NEGR1: variants seen among roughly 807,000 people sequenced by gnomAD.
The protein encoded by NEGR1 is IgLON family member 4.
NEGR1 carries 10 observed loss-of-function variants against 40.9 expected under a neutral mutation model. The observed-to-expected ratio is 0.24, with a 90% confidence interval of 0.15 to 0.42. NEGR1 has a LOEUF of 0.42. Ranked by LOEUF, NEGR1 falls within the 10% of genes least tolerant of loss-of-function variation. NEGR1 has a pLI of 1.00. For synonymous variants in NEGR1, 185 were observed against 166.8 expected, an observed-to-expected ratio of 1.11 and a Z score of -0.84; for missense variants, 352 against 438.9, an observed-to-expected ratio of 0.80 and a Z score of 1.77.
chr1:71,769,030 GT>G (rs924443604), intron 3 of NEGR1, among the ~76,000 whole-genome samples: 1 of 151,154 alleles, frequency 6.6e-6, no homozygotes, highest in Non-Finnish European at 1.5e-5. Flanking sequence ...CTTGCCTCCT[GT>G]ACAGCCTACA....
intron 6 of NEGR1, among the ~76,000 whole-genome samples, chr1:71,572,605 G>A (rs951363255): frequency 1.6e-4 from 24 of 152,164 alleles, no homozygotes; most frequent in Non-Finnish European, 3.4e-4. Flanking sequence ...AGCCATGTAC[G>A]CGTGAGGTCT....
intron 2 of NEGR1, among the ~76,000 whole-genome samples, chr1:71,828,013 C>T (rs1215422144): frequency 6.6e-6 from 1 of 151,896 alleles, no homozygotes; most frequent in African/African-American, 2.4e-5. Context: ...TCTAAAATCT[C>T]AGAATCAACT....
In NEGR1 at chr1:72,083,613, C is replaced by T. The variant is rs531276338; in HGVS notation, c.177-148302G>A. 1.3e-4 allele frequency among the ~76,000 whole-genome samples: 20 copies of T among 152,162 alleles called. No individual in the cohort carries two copies. In the South Asian group the frequency reaches 3.9e-3, roughly 30 times the overall value. On this transcript the variant is annotated intron_variant, in intron 1 of 6. Coordinates refer to ENST00000357731, the MANE Select transcript of NEGR1 (RefSeq NM_173808.3). Reference sequence around the variant, plus strand: ...GATAGAAAAAAAAGAAAAATATTGTCCCATTTTATTTTAATAATAGTGGCA... The same window carrying T: ...GATAGAAAAAAAAGAAAAATATTGTTCCATTTTATTTTAATAATAGTGGCA...
intron 1 of NEGR1, among the ~76,000 whole-genome samples, chr1:72,211,829 C>A (rs1468145426): frequency 6.6e-6 from 1 of 151,678 alleles, no homozygotes; most frequent in African/African-American, 2.4e-5. Flanking sequence ...CTGTACCTCA[C>A]TCTATAAAAC....
At chr1:71,988,150 T>A (rs1398396229) in intron 1 of NEGR1, among the ~76,000 whole-genome samples, 2 of 152,102 alleles carry the variant, frequency 1.3e-5, no homozygotes, top group East Asian at 3.9e-4. Context: ...AGGCCATGCA[T>A]CAGTTGTCTT....
At chr1:71,962,334 T>C (rs1286409962) in intron 1 of NEGR1, among the ~76,000 whole-genome samples, 2 of 152,110 alleles carry the variant, frequency 1.3e-5, no homozygotes, top group Non-Finnish European at 2.9e-5. Context: ...TACATAATTA[T>C]TGTGAGAAAA....
intron 2 of NEGR1, among the ~76,000 whole-genome samples, chr1:71,781,116 C>G (rs1342308849): frequency 2.0e-5 from 3 of 152,156 alleles, no homozygotes; most frequent in African/African-American, 7.2e-5. Context: ...AATGAGCAGT[C>G]TTCAAAGATA....
chr1:71,560,126 G>A (rs911817468), intron 6 of NEGR1, among the ~76,000 whole-genome samples: 1 of 151,172 alleles, frequency 6.6e-6, no homozygotes, highest in Admixed American at 6.6e-5. Flanking sequence ...ATATATGAAA[G>A]TCATCGTTTA....
intron 4 of NEGR1, among the ~76,000 whole-genome samples, chr1:71,675,126 T>TATATATATATATATATACACACAC (rs145354058): frequency 5.1e-5 from 4 of 77,830 alleles, no homozygotes; most frequent in Non-Finnish European, 1.1e-4. Context: ...TATATATATA[T>TATATATATATATATATACACACAC]ACACACACAC....
intron 4 of NEGR1, among the ~76,000 whole-genome samples, chr1:71,677,672 G>A (rs370248091): frequency 2.0e-5 from 3 of 152,222 alleles, no homozygotes; most frequent in African/African-American, 4.8e-5. Flanking sequence ...CCTGTTTCAC[G>A]GAGCATGTGT....
chr1:71,844,221 C>T (rs1183201299), intron 2 of NEGR1, among the ~76,000 whole-genome samples: 3 of 152,144 alleles, frequency 2.0e-5, no homozygotes, highest in African/African-American at 7.2e-5. Flanking sequence ...ATGTAACCAT[C>T]CCTTAACAAA....
intron 6 of NEGR1, among the ~76,000 whole-genome samples, chr1:71,432,858 A>G (rs1366171644): frequency 1.3e-5 from 2 of 152,204 alleles, no homozygotes; most frequent in Non-Finnish European, 2.9e-5. Context: ...GTGTTGGAAG[A>G]ATCCTCTGTG....
chr1:71,657,012 G>A (rs1651900810), intron 4 of NEGR1, among the ~76,000 whole-genome samples: 2 of 152,140 alleles, frequency 1.3e-5, no homozygotes, highest in Admixed American at 1.3e-4. Flanking sequence ...ATAATAGCCA[G>A]GATTTGTCAC....
At chr1:71,480,684 C>T (rs1231113554) in intron 6 of NEGR1, among the ~76,000 whole-genome samples, 2 of 151,886 alleles carry the variant, frequency 1.3e-5, no homozygotes, top group Non-Finnish European at 1.5e-5. Context: ...ACTATGCTGA[C>T]TCAGAATCCA....
chr1:71,953,242 T>A (rs534843859), intron 1 of NEGR1, among the ~76,000 whole-genome samples: 2 of 152,056 alleles, frequency 1.3e-5, no homozygotes, highest in East Asian at 1.9e-4. Flanking sequence ...TGGAAAGGAT[T>A]CTCCATTCCA....
At chr1:71,776,539 CA>C (rs1364434195) in intron 2 of NEGR1, among the ~76,000 whole-genome samples, 1 of 151,824 alleles carries the variant, frequency 6.6e-6, no homozygotes, top group East Asian at 1.9e-4. Flanking sequence ...TATTTAATAA[CA>C]AAAATGTTTA....
intron 6 of NEGR1, among the ~76,000 whole-genome samples, chr1:71,411,505 G>A (rs1646320930): frequency 6.6e-6 from 1 of 152,132 alleles, no homozygotes; most frequent in Admixed American, 6.5e-5. Flanking sequence ...CAAGTTTTTA[G>A]TTGCCTTTCA....
At chr1:71,974,396 G>T (rs1466587266) in intron 1 of NEGR1, among the ~76,000 whole-genome samples, 1 of 152,006 alleles carries the variant, frequency 6.6e-6, no homozygotes, top group Non-Finnish European at 1.5e-5. Flanking sequence ...GTAAATTTCT[G>T]TTTAGTTTCT....
intron 1 of NEGR1, among the ~76,000 whole-genome samples, chr1:72,154,640 T>C (rs1651293249): frequency 6.6e-6 from 1 of 152,058 alleles, no homozygotes; most frequent in Non-Finnish European, 1.5e-5. Flanking sequence ...TCACTCAGAA[T>C]ATGAACATGT....
Sources: allele counts gnomAD v4.1 joint callset (sites outside exome capture counted in the v4.1 genomes callset), GRCh38; gene constraint gnomAD v4.1.1; transcripts MANE v1.5; gene names NCBI Gene and HGNC (gene_info 2026-07-23, HGNC 2026-07-21).